ITIH2: variants seen among roughly 807,000 people sequenced by gnomAD.
The protein encoded by ITIH2 is inter-alpha-trypsin inhibitor heavy chain 2, also known as inter-alpha-trypsin inhibitor heavy chain H2.
Under a neutral mutation model 104.4 loss-of-function variants are expected in ITIH2, and 103 were observed. The ratio of observed to expected loss-of-function variants is 0.99; its 90% CI spans 0.84 to 1.16. The LOEUF is 1.16. Ranked by LOEUF, ITIH2 falls within the 50% of genes most tolerant of loss-of-function variation. The probability of loss-of-function intolerance (pLI) is 0.00; values close to 1 mark genes in which losing one functional copy is unlikely to be tolerated. For synonymous variants in ITIH2, 436 were observed against 435.4 expected (o/e 1.00, Z -0.02); for missense variants, 1,108 against 1,162.4 (o/e 0.95, Z 0.68).
At chr10:7,732,727 ATTTATT>A (rs1449649464) in intron 14 of ITIH2, among the ~76,000 whole-genome samples, 1 of 151,750 alleles carries the variant, frequency 6.6e-6, no homozygotes, top group African/African-American at 2.4e-5. Context: ...TATTTTATTT[ATTTATT>A]TTTATTTTTT....
intron 4 of ITIH2, 92 bp downstream of exon 4, chr10:7,709,283 T>G (rs981053546): frequency 3.4e-6 from 4 of 1,180,742 alleles, no homozygotes; most frequent in Non-Finnish European, 5.0e-6. Context: ...AGTGGTCAAC[T>G]GTCCCAGAGG....
intron 5 of ITIH2, among the ~76,000 whole-genome samples, chr10:7,716,407 A>C (rs188666236): frequency 1.3e-5 from 2 of 152,208 alleles, no homozygotes; most frequent in African/African-American, 4.8e-5. Flanking sequence ...CATTGAACTC[A>C]GTATGTATGT....
intron 1 of ITIH2, among the ~76,000 whole-genome samples, chr10:7,704,294 A>T (rs560906693): frequency 5.3e-5 from 8 of 152,368 alleles, no homozygotes; most frequent in Admixed American, 3.3e-4. Flanking sequence ...ATATTTACAA[A>T]GGGAAAATAT....
chr10:7,743,360 T>C (rs1054678294), intron 17 of ITIH2, 101 bp downstream of exon 17: 4 of 664,104 alleles, frequency 6.0e-6, no homozygotes, highest in Admixed American at 2.9e-5. Context: ...AGAAGTTCTA[T>C]ATATTTCAGT....
At chr10:7,709,966 G>C (rs1366190249) in intron 4 of ITIH2, among the ~76,000 whole-genome samples, 1 of 152,094 alleles carries the variant, frequency 6.6e-6, no homozygotes, top group Non-Finnish European at 1.5e-5. Flanking sequence ...CCATTCTCCT[G>C]CCTCAGCCTC....
At chr10:7,724,576 A>AAAAAAAAAAAAG (rs1834934948) in intron 9 of ITIH2, among the ~76,000 whole-genome samples, 1 of 148,214 alleles carries the variant, frequency 6.7e-6, no homozygotes, top group Non-Finnish European at 1.5e-5. Flanking sequence ...ATCTCAAAAA[A>AAAAAAAAAAAAG]AAAAAAAAAA....
At chr10:7,748,775 G>A (rs2130970632) in intron 20 of ITIH2, among the ~76,000 whole-genome samples, 1 of 151,600 alleles carries the variant, frequency 6.6e-6, no homozygotes, top group African/African-American at 2.4e-5. Context: ...TGAACTCCTG[G>A]CCTCAAGTGG....
intron 6 of ITIH2, among the ~76,000 whole-genome samples, chr10:7,718,290 T>A (rs1383799278): frequency 6.6e-6 from 1 of 152,148 alleles, no homozygotes; most frequent in Non-Finnish European, 1.5e-5. Flanking sequence ...GAACACCTAT[T>A]AGATTTGGGG....
intron 16 of ITIH2, among the ~76,000 whole-genome samples, chr10:7,741,476 C>A (rs1014724273): frequency 2.0e-5 from 3 of 152,176 alleles, no homozygotes; most frequent in African/African-American, 7.2e-5. Context: ...CCGCACCTGG[C>A]CTGTTCTGTG....
At position 7,738,697 on chromosome 10, in the gene ITIH2, C is replaced by G; in HGVS notation, c.2034C>G (p.Ile678Met). ...SWANPSPTPV[I>M]SMLAQGSQVL... ...CCAATCCTTCACCAACGCCCGTGAT[C>G]TCCATGCTGGCACAAGGATCTCAGG... Residue 678 changes from isoleucine to methionine, a missense_variant, in exon 16 of 21, where the codon ATC becomes ATG. By Grantham distance (10) the Ile-to-Met change is conservative. Transcript: ENST00000358415. The G allele has an allele frequency of 1.2e-6, 2 of 1,613,794 alleles. No homozygotes were observed. Among genetic ancestry groups the G allele is most frequent in the Non-Finnish European group, 1.7e-6 (2 of 1,179,842 alleles).
Position 7,746,173 on chromosome 10 carries a change from A to G in ITIH2, c.2582-420A>G, listed in dbSNP as rs993344857. 1.2e-3 allele frequency among the ~76,000 whole-genome samples: 176 copies of G among 146,252 alleles called. 1 individual carries two copies. The highest frequency in any genetic ancestry group is 4.2e-3 in the African/African-American group (168 of 39,834). ...TGAGGTGGGTGGATCGCTTGAGTCC[A>G]GGAGTTCAAGATCAACCTGTGCAAC... On this transcript the variant is annotated intron_variant, in intron 19 of 20. Coordinates refer to ENST00000358415, the MANE Select transcript of ITIH2 (RefSeq NM_002216.3).
Position 7,744,928 on chromosome 10 carries a change from C to T in ITIH2, c.2546C>T (p.Thr849Ile). The change falls in exon 19 of 21, where the codon ACA (threonine) becomes ATA (isoleucine). Residue 849 changes from threonine to isoleucine, a missense_variant. Thr to Ile is a moderately conservative substitution (Grantham distance 89). Transcript: ENST00000358415. ...VDFLGIYIPPTNKFSPKAHGL... is the reference protein window; with the variant it reads ...VDFLGIYIPPINKFSPKAHGL... ...TTTCTGGGAATCTACATACCCCCTA[C>T]AAACAAGTTCTCACCTAAAGCCCAC... 2 of 1,614,136 alleles carry T rather than the reference C, an allele frequency of 1.2e-6. No individual in the cohort carries two copies. The highest frequency in any genetic ancestry group is 1.7e-6 in the Non-Finnish European group (2 of 1,179,994).
At chr10:7,705,833 T>C (rs953186051) in intron 2 of ITIH2, among the ~76,000 whole-genome samples, 1 of 151,808 alleles carries the variant, frequency 6.6e-6, no homozygotes, top group Non-Finnish European at 1.5e-5. Flanking sequence ...TGACAGACAC[T>C]CCCCCTTGCA....
intron 1 of ITIH2, among the ~76,000 whole-genome samples, chr10:7,704,019 T>C (rs539200679): frequency 1.3e-5 from 2 of 152,364 alleles, no homozygotes; most frequent in South Asian, 4.1e-4. Flanking sequence ...AAGAGCACTT[T>C]AAGTATTCCT....
At chr10:7,721,153 C>A (rs1433288332) in intron 7 of ITIH2, among the ~76,000 whole-genome samples, 190 bp downstream of exon 7, 1 of 152,194 alleles carries the variant, frequency 6.6e-6, no homozygotes, top group African/African-American at 2.4e-5. Context: ...GCTTTCCTTC[C>A]ATTTTGACCA....
rs1172329513 is a variant in ITIH2 at position 7,727,845 on chromosome 10, C to T, written c.1279+17C>T. The T allele has an allele frequency of 6.2e-7, 1 of 1,613,818 alleles. No homozygotes were observed. The highest frequency in any genetic ancestry group is 1.1e-5 in the South Asian group (1 of 91,040). On this transcript the variant is annotated intron_variant, in intron 11 of 20. Transcript: ENST00000358415. ...CAACAGTGGGCAAGTGTCACTTCAA[C>T]CTTCTCACGACAAACACTTTCACTG... is the stretch of plus-strand genomic sequence containing the variant.
Position 7,705,416 on chromosome 10 carries a change from G to A in ITIH2, c.159+234G>A, listed in dbSNP as rs111782238. On this transcript the variant is annotated intron_variant, in intron 2 of 20. Transcript: ENST00000358415. ...ATAATGCTCAATTTAGTCCCTTAAAGAGTACACGACTCAGCACAGTGGCTC... is the reference window on the plus strand; with the variant it reads ...ATAATGCTCAATTTAGTCCCTTAAAAAGTACACGACTCAGCACAGTGGCTC... Among the ~76,000 whole-genome samples the A allele has an allele frequency of 1.8e-3, 277 of 152,268 alleles. 1 individual carries two copies. Among genetic ancestry groups the A allele is most frequent in the African/African-American group, 6.5e-3 (268 of 41,550 alleles).
chr10:7,713,130 A>C, intron 4 of ITIH2, 51 bp from the exon 5 acceptor site: 1 of 1,467,508 alleles, frequency 6.8e-7, no homozygotes, highest in African/African-American at 1.4e-5. Context: ...GAGGGGAAAA[A>C]AAAAAAAGAT....
At position 7,727,813 on chromosome 10, in the gene ITIH2, G is replaced by A. The variant is rs1834965896; in HGVS notation, c.1264G>A (p.Gly422Arg). 7 of 1,614,168 alleles carry A rather than the reference G, an allele frequency of 4.3e-6. No individual in the cohort carries two copies. Among genetic ancestry groups the A allele is most frequent in the Non-Finnish European group, 5.9e-6 (7 of 1,179,998 alleles). ...SVSLIILVSD[G>R]DPTVGELKLS... ...CTCGCTGATCATTTTGGTTTCTGAT[G>A]GAGATCCAACAGTGGGCAAGTGTCA... Residue 422 changes from glycine (G) to arginine (R), a missense_variant, in exon 11 of 21, where the codon GGA becomes AGA. Transcript: ENST00000358415.
Sources: allele counts gnomAD v4.1 joint callset (sites outside exome capture counted in the v4.1 genomes callset), GRCh38; gene constraint gnomAD v4.1.1; transcripts MANE v1.5; gene names NCBI Gene and HGNC (gene_info 2026-07-23, HGNC 2026-07-21).